TMC7: variants seen among roughly 807,000 people sequenced by gnomAD.
TMC7 encodes transmembrane channel-like protein 7.
A neutral mutation model predicts 82.9 loss-of-function variants in TMC7; 54 were observed. The observed-to-expected ratio is 0.65, with a 90% CI of 0.52 to 0.82. The LOEUF (loss-of-function observed/expected upper bound fraction) is 0.82. Among genes scored for constraint, TMC7 ranks in the 40% least tolerant of loss-of-function variants. The pLI is 0.00. For synonymous variants in TMC7, 350 were observed against 337.9 expected, an observed-to-expected ratio of 1.04 and a Z score of -0.39; for missense variants, 820 against 901.2, an observed-to-expected ratio of 0.91 and a Z score of 1.15.
At chr16:18,986,859 C>T (rs923374318) in intron 1 of TMC7, among the ~76,000 whole-genome samples, 5 of 151,908 alleles carry the variant, frequency 3.3e-5, no homozygotes, top group Non-Finnish European at 5.9e-5. Context: ...GGCTGAAGTG[C>T]AGTGGCGCGA....
At chr16:19,016,391 G>C (rs1388241792) in intron 2 of TMC7, 59 bp from the exon 3 acceptor site, 1 of 1,603,556 alleles carries the variant, frequency 6.2e-7, no homozygotes. Context: ...TGCCAGGCTG[G>C]GATGCTGAGT....
intron 1 of TMC7, among the ~76,000 whole-genome samples, chr16:18,991,289 G>C (rs2038946636): frequency 6.6e-6 from 1 of 152,186 alleles, no homozygotes. Flanking sequence ...ATAAGAGAAA[G>C]AGAAAAACAG....
Position 19,040,421 on chromosome 16 carries a change from T to G in TMC7, c.1312T>G (p.Phe438Val). The change falls in exon 9 of 16, where the codon TTT (phenylalanine) becomes GTT (valine). Residue 438 changes from phenylalanine to valine, a missense_variant. Phe to Val is a conservative substitution (Grantham distance 50). This residue lies in a region of TMC7 where 650 missense variants were observed against 669.9 expected (regional missense o/e 0.97). Coordinates refer to ENST00000304381, the MANE Select transcript of TMC7 (RefSeq NM_024847.4). ...CCGCTATGAGGATTATTCTCCAGGC[T>G]TTGAGATCCGTCTGACAATCCTTAG... Reference protein sequence around the residue: ...IIRYEDYSPGFEIRLTILRCV... With the variant: ...IIRYEDYSPGVEIRLTILRCV... 2 of 1,612,628 alleles carry G rather than the reference T, an allele frequency of 1.2e-6. No individual in the cohort carries two copies. Among genetic ancestry groups the G allele is most frequent in the Non-Finnish European group, 1.7e-6 (2 of 1,179,962 alleles).
intron 1 of TMC7, among the ~76,000 whole-genome samples, chr16:19,008,532 C>T (rs1044939438): frequency 7.9e-5 from 12 of 152,186 alleles, no homozygotes; most frequent in African/African-American, 2.9e-4. Flanking sequence ...CAGGCTTGTT[C>T]TGGCTGGGCT....
intron 12 of TMC7, chr16:19,049,818 G>T (rs1356501310): frequency 9.8e-6 from 2 of 204,478 alleles, no homozygotes; most frequent in African/African-American, 2.4e-5. Context: ...GAATTCAGAA[G>T]AACTTATGTC....
intron 15 of TMC7, among the ~76,000 whole-genome samples, chr16:19,060,840 G>A (rs1205737765): frequency 1.3e-5 from 2 of 149,074 alleles, no homozygotes; most frequent in East Asian, 3.9e-4. Context: ...AGTCTGGAGT[G>A]CAGTGCCGCA....
rs142035694 is a variant in TMC7, at chr16:19,031,695, A to C, written c.857+1326A>C. ...CAAAAACAAACAAACAAACAAAACA[A>C]AAACAAAACCTGTATTTCTCTTTTA... On this transcript the variant is annotated intron_variant, in intron 6 of 15. Coordinates refer to ENST00000304381, the MANE Select transcript of TMC7 (RefSeq NM_024847.4). 2.0e-4 allele frequency among the ~76,000 whole-genome samples: 31 copies of C among 152,098 alleles called. 1 individual carries two copies. In the East Asian group the frequency reaches 6.0e-3, roughly 29 times the overall value.
rs144861410 is a variant in TMC7, at chr16:19,042,570, C to T, written c.1337+2124C>T. Among the ~76,000 whole-genome samples the T allele has an allele frequency of 8.2e-3, 1,228 of 149,862 alleles. 11 individuals carry two copies. The highest frequency in any genetic ancestry group is 0.029 in the African/African-American group (1,168 of 40,668). On this transcript the variant is annotated intron_variant, in intron 9 of 15. Transcript: ENST00000304381. Reference sequence around the variant, plus strand: ...TCGCCCAGGCTGGAATGCAGTGGCTCGATCTTGGCTCACTGCAAGCTCCGC... The same window carrying T: ...TCGCCCAGGCTGGAATGCAGTGGCTTGATCTTGGCTCACTGCAAGCTCCGC...
intron 9 of TMC7, among the ~76,000 whole-genome samples, chr16:19,042,502 C>CTTTTTTTTTTTTTCTTTTTTTTTTTTTT (rs1961057683): frequency 7.2e-6 from 1 of 138,580 alleles, no homozygotes; most frequent in African/African-American, 2.6e-5. Flanking sequence ...ATTATTCCTT[C>CTTTTTTTTTTTTTCTTTTTTTTTTTTTT]TTTTTTTTTT....
chr16:19,020,159 G>A (rs1181207433), intron 3 of TMC7, among the ~76,000 whole-genome samples: 1 of 152,208 alleles, frequency 6.6e-6, no homozygotes, highest in African/African-American at 2.4e-5. Flanking sequence ...CTCATTTTTA[G>A]CAAATAAGAA....
At chr16:18,990,030 TG>T (rs2038922030) in intron 1 of TMC7, among the ~76,000 whole-genome samples, 1 of 151,812 alleles carries the variant, frequency 6.6e-6, no homozygotes, top group African/African-American at 2.4e-5. Flanking sequence ...TTATAGGTTT[TG>T]GGATAGGCGG....
chr16:18,987,834 C>T (rs140303430), intron 1 of TMC7, among the ~76,000 whole-genome samples: 143 of 152,270 alleles, frequency 9.4e-4, no homozygotes, highest in African/African-American at 3.4e-3. Flanking sequence ...TCTCCTCCAG[C>T]CTCCTCAAGG....
chr16:19,059,407 G>A lies in TMC7; in HGVS notation c.2028-9G>A, dbSNP rs1284330969. Reference sequence around the variant, plus strand: ...GACTCCCTTGTGACCTGTCTGTCTTGTGTTGCAGCCTCATCATGTTTTACT... The same window carrying A: ...GACTCCCTTGTGACCTGTCTGTCTTATGTTGCAGCCTCATCATGTTTTACT... On this transcript the variant is annotated splice_polypyrimidine_tract_variant and intron_variant, in intron 14 of 15. Transcript: ENST00000304381. The A allele has an allele frequency of 3.7e-6, 6 of 1,612,464 alleles. No homozygotes were observed. The African/African-American group carries it at 5.3e-5, about 14-fold the overall frequency.
intron 13 of TMC7, among the ~76,000 whole-genome samples, chr16:19,053,745 C>T (rs1961643722): frequency 6.6e-6 from 1 of 151,868 alleles, no homozygotes; most frequent in African/African-American, 2.4e-5. Context: ...GCACAAAATT[C>T]AAAAGATATT....
chr16:19,019,896 T>C (rs1263972295), intron 3 of TMC7, among the ~76,000 whole-genome samples: 1 of 152,192 alleles, frequency 6.6e-6, no homozygotes, highest in Non-Finnish European at 1.5e-5. Flanking sequence ...TTGCTAAGTA[T>C]TAGACAGTGG....
rs143147151 is a variant in TMC7, at chr16:19,031,196, C to T, written c.857+827C>T. ...TATAGTTTGCATCAGCCTTGACCTC[C>T]TGGGTCACAGGTGCAGAAATCCTTA... On this transcript the variant is annotated intron_variant, in intron 6 of 15. Transcript: ENST00000304381. Among the ~76,000 whole-genome samples, 16 of 152,272 alleles carry T rather than the reference C, an allele frequency of 1.1e-4. No individual in the cohort carries two copies. The East Asian group carries it at 3.1e-3, about 29-fold the overall frequency.
At position 19,014,730 on chromosome 16, in the gene TMC7, G is replaced by A. The variant is rs76831910; in HGVS notation, c.312-1720G>A. Among the ~76,000 whole-genome samples, 102 of 152,242 alleles carry A rather than the reference G, an allele frequency of 6.7e-4. 2 individuals carry two copies. In the East Asian group the frequency reaches 0.015, roughly 22 times the overall value. On this transcript the variant is annotated intron_variant, in intron 2 of 15. Coordinates refer to ENST00000304381, the MANE Select transcript of TMC7 (RefSeq NM_024847.4). ...GTAGCACTTCCCCCAGGGAGCTGTC[G>A]TTGTTGGACGTCAGCCTGTTTGCCT...
intron 1 of TMC7, among the ~76,000 whole-genome samples, chr16:18,990,192 GT>G (rs2038925802): frequency 6.6e-6 from 1 of 152,172 alleles, no homozygotes; most frequent in Non-Finnish European, 1.5e-5. Context: ...ACATTGATCA[GT>G]TAGGATGGGG....
intron 1 of TMC7, among the ~76,000 whole-genome samples, chr16:18,993,784 G>A (rs903261828): frequency 6.6e-6 from 1 of 152,182 alleles, no homozygotes; most frequent in Non-Finnish European, 1.5e-5. Flanking sequence ...TTTAGAGTCA[G>A]TATAAATATT....
Sources: gnomAD v4.1 joint callset for allele counts (sites outside exome capture counted in the v4.1 genomes callset) on GRCh38, gnomAD v4.1.1 for gene constraint, gnomAD v4.1.1 regional missense constraint, MANE v1.5 for transcripts, NCBI Gene and HGNC (gene_info 2026-07-23, HGNC 2026-07-21) for gene names.